The following CACNA2D3 variants were observed in gnomAD, a reference collection of about 807,000 sequenced individuals.
CACNA2D3 encodes the protein voltage-dependent calcium channel subunit alpha-2/delta-3.
Under a neutral mutation model 160.6 loss-of-function variants are expected in CACNA2D3, and 60 were observed. The observed-to-expected ratio is 0.37, with a 90% CI of 0.30 to 0.46. The LOEUF (loss-of-function observed/expected upper bound fraction) is 0.46, where lower values mean the gene tolerates loss of function less well. CACNA2D3 is among the 20% of genes least tolerant of loss of function. CACNA2D3 has a pLI of 1.00. For synonymous variants in CACNA2D3, 558 were observed against 492.9 expected, an observed-to-expected ratio of 1.13 and a Z score of -1.75; for missense variants, 1,205 against 1,365.0, an observed-to-expected ratio of 0.88 and a Z score of 1.85.
chr3:54,266,538 G>A (rs888724033), intron 2 of CACNA2D3, among the ~76,000 whole-genome samples: 3 of 152,262 alleles, frequency 2.0e-5, no homozygotes, highest in South Asian at 4.1e-4. Flanking sequence ...TCTTAGGAAC[G>A]CAAGCCCTGA....
intron 2 of CACNA2D3, among the ~76,000 whole-genome samples, chr3:54,251,573 TG>T (rs1702190545): frequency 6.6e-6 from 1 of 152,222 alleles, no homozygotes; most frequent in Non-Finnish European, 1.5e-5. Context: ...GAATCTGAAA[TG>T]TCAACCTATT....
chr3:54,646,721 A>G (rs1699660093), intron 11 of CACNA2D3, among the ~76,000 whole-genome samples: 1 of 152,184 alleles, frequency 6.6e-6, no homozygotes, highest in Non-Finnish European at 1.5e-5. Flanking sequence ...GAACATACAC[A>G]TGCATGTTAT....
At chr3:54,548,250 T>C (rs1250379062) in intron 5 of CACNA2D3, among the ~76,000 whole-genome samples, 1 of 152,256 alleles carries the variant, frequency 6.6e-6, no homozygotes, top group African/African-American at 2.4e-5. Context: ...TGACTTACTC[T>C]TTATTTTCAT....
intron 35 of CACNA2D3, among the ~76,000 whole-genome samples, chr3:55,020,348 C>T (rs745384671): frequency 8.8e-5 from 13 of 148,062 alleles, no homozygotes; most frequent in East Asian, 2.0e-4. Context: ...TGTATTATTT[C>T]ATGATATCTA....
rs1197185430 is a variant in CACNA2D3 at position 54,129,172 on chromosome 3, C to CT, written c.204+5579dup. Among the ~76,000 whole-genome samples, 3 of 152,212 alleles carry CT rather than the reference C, an allele frequency of 2.0e-5. No homozygotes were observed. The East Asian group carries it at 5.8e-4, about 29-fold the overall frequency. On this transcript the variant is annotated intron_variant, in intron 2 of 37. Transcript: ENST00000474759. ...TTGTTCTATAATGTAAAACCAGACT[C>CT]TAAGCCCCTTCGACAGCCCAGTACT...
intron 14 of CACNA2D3, among the ~76,000 whole-genome samples, chr3:54,824,212 G>A (rs569428349): frequency 7.9e-5 from 12 of 152,270 alleles, no homozygotes; most frequent in African/African-American, 2.6e-4. Context: ...TTCTACCAAA[G>A]GCGATCTACC....
intron 2 of CACNA2D3, among the ~76,000 whole-genome samples, chr3:54,216,398 A>G (rs1417061560): frequency 6.6e-6 from 1 of 152,168 alleles, no homozygotes; most frequent in African/African-American, 2.4e-5. Context: ...ATAATAATAA[A>G]CAGAAGCCAA....
At chr3:54,929,643 G>T (rs1048355734) in intron 27 of CACNA2D3, among the ~76,000 whole-genome samples, 1 of 151,890 alleles carries the variant, frequency 6.6e-6, no homozygotes, top group Non-Finnish European at 1.5e-5. Context: ...ACATTTTTTT[G>T]AGCATCACAC....
intron 27 of CACNA2D3, among the ~76,000 whole-genome samples, chr3:54,912,755 A>G (rs540534059): frequency 6.6e-6 from 1 of 152,126 alleles, no homozygotes; most frequent in East Asian, 1.9e-4. Flanking sequence ...CCTCTGCTAG[A>G]TGTTAAGTTT....
chr3:54,379,786 A>C (rs1023455302), intron 3 of CACNA2D3, among the ~76,000 whole-genome samples: 1 of 152,116 alleles, frequency 6.6e-6, no homozygotes, highest in Non-Finnish European at 1.5e-5. Flanking sequence ...AGCTCAGCTT[A>C]AATGTCATGT....
intron 4 of CACNA2D3, among the ~76,000 whole-genome samples, chr3:54,415,379 C>T (rs1699739078): frequency 1.3e-5 from 2 of 152,238 alleles, no homozygotes; most frequent in South Asian, 2.1e-4. Flanking sequence ...ATAAATTTTC[C>T]ACTCTTATTT....
intron 31 of CACNA2D3, among the ~76,000 whole-genome samples, chr3:54,992,227 G>A (rs1336573751): frequency 1.3e-5 from 2 of 152,206 alleles, no homozygotes; most frequent in African/African-American, 4.8e-5. Flanking sequence ...GAGGTTAAAA[G>A]CATGGTAGCA....
At chr3:54,708,752 A>C (rs896136925) in intron 11 of CACNA2D3, among the ~76,000 whole-genome samples, 1 of 152,212 alleles carries the variant, frequency 6.6e-6, no homozygotes, top group Non-Finnish European at 1.5e-5. Flanking sequence ...ACCTGAATTC[A>C]TGGTGGAGGG....
rs1040942197 is a variant in CACNA2D3 at position 54,208,346 on chromosome 3, G to A, written c.204+84752G>A. On this transcript the variant is annotated intron_variant, in intron 2 of 37. Transcript: ENST00000474759. ...TGGTCTCAAACTCCTGACCTCAAGT[G>A]ATCTGTCTATCTCGGCCTTCCAAAG... is the stretch of plus-strand genomic sequence containing the variant. Among the ~76,000 whole-genome samples, 3 of 152,186 alleles carry A rather than the reference G, an allele frequency of 2.0e-5. No individual in the cohort carries two copies. In the East Asian group the frequency reaches 5.8e-4, roughly 29 times the overall value.
At chr3:54,417,234 C>T (rs1699767259) in intron 4 of CACNA2D3, among the ~76,000 whole-genome samples, 2 of 152,146 alleles carry the variant, frequency 1.3e-5, no homozygotes. Context: ...TTCACTTGTT[C>T]ACAGCAAAAT....
chr3:54,199,274 A>G (rs1701134015), intron 2 of CACNA2D3, among the ~76,000 whole-genome samples: 1 of 152,082 alleles, frequency 6.6e-6, no homozygotes, highest in African/African-American at 2.4e-5. Context: ...TGTAGTTTTG[A>G]AGCAGTTCTA....
intron 11 of CACNA2D3, among the ~76,000 whole-genome samples, chr3:54,719,569 C>T (rs1165955224): frequency 3.9e-5 from 6 of 151,952 alleles, no homozygotes; most frequent in Admixed American, 2.6e-4. Flanking sequence ...ATTTTAAGAT[C>T]TTTGTGTCTG....
intron 14 of CACNA2D3, among the ~76,000 whole-genome samples, chr3:54,827,831 A>G (rs963927093): frequency 6.6e-6 from 1 of 152,210 alleles, no homozygotes; most frequent in Non-Finnish European, 1.5e-5. Flanking sequence ...TTTAAGGACC[A>G]TTTGCTGGGC....
At position 54,984,037 on chromosome 3, in the gene CACNA2D3, A is replaced by G. The variant is rs139400095; in HGVS notation, c.2557-571A>G. 2.0e-4 allele frequency among the ~76,000 whole-genome samples: 31 copies of G among 152,338 alleles called. No homozygotes were observed. In the East Asian group the frequency reaches 6.0e-3, roughly 29 times the overall value. On this transcript the variant is annotated intron_variant, in intron 29 of 37. Coordinates refer to ENST00000474759, the MANE Select transcript of CACNA2D3 (RefSeq NM_018398.3). ...AAATCCAGCTCCCAATTAAAAACAC[A>G]GTTTGAAAACCTTTAGGAGGCCTGA...
Sources: allele counts gnomAD v4.1 joint callset (sites outside exome capture counted in the v4.1 genomes callset), GRCh38; gene constraint gnomAD v4.1.1; transcripts MANE v1.5; gene names NCBI Gene and HGNC (gene_info 2026-07-23, HGNC 2026-07-21).